Variants in DYNC1I1 observed in about 807,000 individuals in gnomAD.
The protein encoded by DYNC1I1 is cytoplasmic dynein 1 intermediate chain 1.
In DYNC1I1, 43 loss-of-function variants were observed where a neutral mutation model predicts 86.6. The ratio of observed to expected loss-of-function variants is 0.50; its 90% CI spans 0.39 to 0.64. DYNC1I1 has a LOEUF of 0.64. Ranked by LOEUF, DYNC1I1 falls within the 30% of genes least tolerant of loss-of-function variation. DYNC1I1 has a pLI of 0.00. For synonymous variants in DYNC1I1, 262 were observed against 283.7 expected, an observed-to-expected ratio of 0.92 and a Z score of 0.77; for missense variants, 604 against 788.8, an observed-to-expected ratio of 0.77 and a Z score of 2.81.
At chr7:96,069,006 T>C (rs1011817278) in intron 14 of DYNC1I1, among the ~76,000 whole-genome samples, 2 of 152,116 alleles carry the variant, frequency 1.3e-5, no homozygotes, top group African/African-American at 4.8e-5. Flanking sequence ...TATTTGCTCA[T>C]TCTTCTAACT....
intron 5 of DYNC1I1, 34 bp from the exon 6 acceptor site, chr7:95,869,849 C>T: frequency 1.3e-6 from 2 of 1,577,390 alleles, no homozygotes; most frequent in African/African-American, 1.4e-5. Context: ...GGAATGCCTC[C>T]CCTCTCTAAG....
At chr7:96,008,931 T>C (rs1794205585) in intron 10 of DYNC1I1, among the ~76,000 whole-genome samples, 1 of 152,196 alleles carries the variant, frequency 6.6e-6, no homozygotes. Context: ...AAATACTTGA[T>C]TTAAAATATA....
chr7:95,889,734 T>A (rs993872006), intron 6 of DYNC1I1, among the ~76,000 whole-genome samples: 26 of 152,170 alleles, frequency 1.7e-4, no homozygotes, highest in African/African-American at 6.0e-4. Flanking sequence ...AAAAAAACTT[T>A]AACAAATTTA....
chr7:95,826,868 A>G (rs920995298), intron 4 of DYNC1I1, among the ~76,000 whole-genome samples: 3 of 152,182 alleles, frequency 2.0e-5, no homozygotes, highest in African/African-American at 7.2e-5. Flanking sequence ...ATGTGAGTGA[A>G]TGAATGGTTA....
Position 95,796,154 on chromosome 7 carries a change from G to C in DYNC1I1, c.-9-8567G>C, listed in dbSNP as rs184193710. Reference sequence around the variant, plus strand: ...ACTGTCTTACTTCACTTTACAACCAGGCTAACGCCCATTTGTGTGTGTGTG... The same window carrying C: ...ACTGTCTTACTTCACTTTACAACCACGCTAACGCCCATTTGTGTGTGTGTG... On this transcript the variant is annotated intron_variant, in intron 1 of 16. Coordinates refer to ENST00000447467, the MANE Select transcript of DYNC1I1 (RefSeq NM_001135556.2). Among the ~76,000 whole-genome samples, 398 of 152,180 alleles carry C rather than the reference G, an allele frequency of 2.6e-3. 3 individuals carry two copies. The highest frequency in any genetic ancestry group is 2.6e-3 in the Non-Finnish European group (180 of 68,020).
chr7:95,983,450 T>C lies in DYNC1I1; in HGVS notation c.581-1365T>C, dbSNP rs114203435. Among the ~76,000 whole-genome samples, 360 of 152,230 alleles carry C rather than the reference T, an allele frequency of 2.4e-3. 1 individual carries two copies. The highest frequency in any genetic ancestry group is 7.9e-3 in the African/African-American group (330 of 41,532). Reference sequence around the variant, plus strand: ...TGAACCAACTACATCAGGATCATTCTAGTTTCTTGTACAAATAGAGATTCT... The same window carrying C: ...TGAACCAACTACATCAGGATCATTCCAGTTTCTTGTACAAATAGAGATTCT... On this transcript the variant is annotated intron_variant, in intron 7 of 16. Transcript: ENST00000447467.
intron 5 of DYNC1I1, among the ~76,000 whole-genome samples, chr7:95,861,655 A>G (rs1315370821): frequency 6.6e-6 from 1 of 152,176 alleles, no homozygotes; most frequent in Non-Finnish European, 1.5e-5. Flanking sequence ...GAAGCGCAGA[A>G]ACAGCAAGTT....
At chr7:95,881,554 TG>T (rs972944159) in intron 6 of DYNC1I1, among the ~76,000 whole-genome samples, 31 of 152,236 alleles carry the variant, frequency 2.0e-4, no homozygotes, top group Non-Finnish European at 4.6e-4. Flanking sequence ...TTGGACTATT[TG>T]GGAACAAATG....
chr7:96,048,306 A>C (rs1789282733), intron 14 of DYNC1I1, among the ~76,000 whole-genome samples: 1 of 152,186 alleles, frequency 6.6e-6, no homozygotes, highest in Non-Finnish European at 1.5e-5. Context: ...GAATCTCCTG[A>C]ATCTGACATT....
chr7:95,987,079 T>G lies in DYNC1I1; in HGVS notation c.767T>G (p.Leu256Arg). 1 of 1,613,970 alleles carries G rather than the reference T, an allele frequency of 6.2e-7. No homozygotes were observed. Among genetic ancestry groups the G allele is most frequent in the Non-Finnish European group, 8.5e-7 (1 of 1,179,896 alleles). The change falls in exon 9 of 17, where the codon CTT becomes CGT. Residue 256 changes from leucine (L) to arginine (R), a missense_variant. Coordinates refer to ENST00000447467, the MANE Select transcript of DYNC1I1 (RefSeq NM_001135556.2). ...AGGGATGTTCAGGCTGGAGCCAATC[T>G]TTCTTTCAATCGTCAGTTCTATGAT... ...KDGDVQAGANLSFNRQFYDEH... is the reference protein window; with the variant it reads ...KDGDVQAGANRSFNRQFYDEH...
At chr7:96,074,031 A>T (rs1466977878) in intron 14 of DYNC1I1, among the ~76,000 whole-genome samples, 1 of 152,246 alleles carries the variant, frequency 6.6e-6, no homozygotes, top group African/African-American at 2.4e-5. Context: ...ATCACACTGC[A>T]AACATAGTAC....
chr7:96,006,346 G>A (rs1190043585), intron 10 of DYNC1I1, among the ~76,000 whole-genome samples: 1 of 152,100 alleles, frequency 6.6e-6, no homozygotes, highest in South Asian at 2.1e-4. Flanking sequence ...TTTGGAGCAG[G>A]TGCTCAGAGG....
chr7:96,104,862 T>C (rs934237466), intron 16 of DYNC1I1, among the ~76,000 whole-genome samples: 2 of 152,148 alleles, frequency 1.3e-5, no homozygotes, highest in African/African-American at 4.8e-5. Flanking sequence ...CTAGGTCTTT[T>C]GTGTTTGCAC....
intron 5 of DYNC1I1, among the ~76,000 whole-genome samples, chr7:95,853,023 T>G (rs1789622533): frequency 6.6e-6 from 1 of 152,292 alleles, no homozygotes; most frequent in African/African-American, 2.4e-5. Flanking sequence ...CTTTGACCCT[T>G]TGGTTGCTCA....
At chr7:95,821,391 C>G (rs1019209336) in intron 4 of DYNC1I1, among the ~76,000 whole-genome samples, 2 of 152,020 alleles carry the variant, frequency 1.3e-5, no homozygotes, top group Non-Finnish European at 1.5e-5. Flanking sequence ...ATATGGACGT[C>G]TGTGTGATTG....
In DYNC1I1 at chr7:96,064,834, T is replaced by A. The variant is rs144668548; in HGVS notation, c.1510-11223T>A. The stretch of plus-strand genomic sequence containing the variant: ...CTTATCTGCCTTCCATTTGCCAGAT[T>A]GTATGCCAAGTGCTTGAGACAGAAA... On this transcript the variant is annotated intron_variant, in intron 14 of 16. Transcript: ENST00000447467. Among the ~76,000 whole-genome samples the A allele has an allele frequency of 2.3e-4, 35 of 152,190 alleles. No individual in the cohort carries two copies. The East Asian group carries it at 4.8e-3, about 21-fold the overall frequency.
At chr7:96,049,145 C>T (rs948755672) in intron 14 of DYNC1I1, among the ~76,000 whole-genome samples, 2 of 151,324 alleles carry the variant, frequency 1.3e-5, no homozygotes, top group African/African-American at 4.9e-5. Context: ...GTAGTCCCAG[C>T]TACTCGGGAG....
At chr7:95,892,157 GAC>G (rs1790757453) in intron 6 of DYNC1I1, among the ~76,000 whole-genome samples, 1 of 151,130 alleles carries the variant, frequency 6.6e-6, no homozygotes, top group South Asian at 2.1e-4. Context: ...TTTAAATTGA[GAC>G]AGAGTCTTGC....
chr7:96,073,506 T>C (rs1028642491), intron 14 of DYNC1I1, among the ~76,000 whole-genome samples: 10 of 152,190 alleles, frequency 6.6e-5, no homozygotes, highest in Admixed American at 2.6e-4. Context: ...ATCAGTTCCT[T>C]AGAAAATGAC....
Sources: gnomAD v4.1 joint callset for allele counts (sites outside exome capture counted in the v4.1 genomes callset) on GRCh38, gnomAD v4.1.1 for gene constraint, MANE v1.5 for transcripts, NCBI Gene and HGNC (gene_info 2026-07-23, HGNC 2026-07-21) for gene names.